Variants in PFKP observed in about 807,000 individuals in gnomAD.
PFKP encodes ATP-dependent 6-phosphofructokinase, platelet type.
A neutral mutation model predicts 94.3 loss-of-function variants in PFKP; 101 were observed. The observed-to-expected ratio is 1.07, with a 90% CI of 0.91 to 1.26. PFKP has a LOEUF of 1.26. Among genes scored for constraint, PFKP ranks in the 50% most tolerant of loss-of-function variants. The pLI is 0.00. For synonymous variants in PFKP, 573 were observed against 432.6 expected (o/e 1.32, Z -4.03); for missense variants, 1,145 against 1,103.3 (o/e 1.04, Z -0.53).
intron 1 of PFKP, among the ~76,000 whole-genome samples, chr10:3,077,014 G>A (rs538555522): frequency 1.3e-5 from 2 of 152,148 alleles, no homozygotes; most frequent in East Asian, 1.9e-4. Flanking sequence ...TGAGATCAGC[G>A]CGGTGTAAGC....
At chr10:3,120,395 G>GTGTA (rs1554774903) in intron 16 of PFKP, among the ~76,000 whole-genome samples, 1 of 140,210 alleles carries the variant, frequency 7.1e-6, no homozygotes, top group African/African-American at 2.6e-5. Context: ...GTGTGTGTGT[G>GTGTA]TGTGCTGAGC....
intron 1 of PFKP, among the ~76,000 whole-genome samples, chr10:3,077,214 C>T (rs1196438494): frequency 6.6e-6 from 1 of 151,228 alleles, no homozygotes; most frequent in Non-Finnish European, 1.5e-5. Context: ...AAAAGATAGA[C>T]CCAGATTATT....
intron 1 of PFKP, among the ~76,000 whole-genome samples, chr10:3,075,305 T>G (rs964666028): frequency 2.0e-5 from 3 of 151,958 alleles, no homozygotes; most frequent in African/African-American, 4.8e-5. Context: ...ATGGCCAGAT[T>G]TGGGGGGGCC....
At chr10:3,075,504 G>T (rs954351257) in intron 1 of PFKP, among the ~76,000 whole-genome samples, 1 of 150,280 alleles carries the variant, frequency 6.7e-6, no homozygotes, top group African/African-American at 2.5e-5. Context: ...TTTCTCCAAC[G>T]GGAGAATCTC....
At chr10:3,134,338 A>G (rs1775827310) in intron 19 of PFKP, 145 bp from the exon 20 acceptor site, 1 of 613,530 alleles carries the variant, frequency 1.6e-6, no homozygotes, top group Admixed American at 2.5e-5. Context: ...AGTTCAGGCT[A>G]CGGGAATCAC....
chr10:3,120,811 C>T (rs1019271922), intron 16 of PFKP, among the ~76,000 whole-genome samples: 1 of 152,172 alleles, frequency 6.6e-6, no homozygotes, highest in African/African-American at 2.4e-5. Flanking sequence ...AGGCATGTGC[C>T]ACCATTCCCG....
At chr10:3,107,993 G>C in intron 8 of PFKP, 1 of 1,289,740 alleles carries the variant, frequency 7.8e-7, no homozygotes, top group Non-Finnish European at 1.0e-6. Flanking sequence ...TCTTTATTGT[G>C]CTTTGTTATG....
intron 14 of PFKP, among the ~76,000 whole-genome samples, chr10:3,118,179 T>A (rs1439218990): frequency 2.6e-5 from 4 of 152,154 alleles, no homozygotes; most frequent in Non-Finnish European, 5.9e-5. Context: ...AATTTCCATT[T>A]AAACAATTAT....
chr10:3,114,372 C>A (rs1452805300), intron 13 of PFKP, among the ~76,000 whole-genome samples: 1 of 152,094 alleles, frequency 6.6e-6, no homozygotes, highest in Non-Finnish European at 1.5e-5. Flanking sequence ...CTGGTCTTGA[C>A]CTCCTGACCT....
chr10:3,111,437 T>G (rs1485159863), intron 10 of PFKP, among the ~76,000 whole-genome samples: 1 of 152,154 alleles, frequency 6.6e-6, no homozygotes, highest in African/African-American at 2.4e-5. Context: ...ACGTGTATTT[T>G]GAGCCTGTGT....
In PFKP at chr10:3,132,447, A is replaced by G; in HGVS notation, c.1910+6A>G. 6.2e-7 allele frequency: 1 copy of G among 1,600,162 alleles called. No individual in the cohort carries two copies. Among genetic ancestry groups the G allele is most frequent in the Non-Finnish European group, 8.6e-7 (1 of 1,167,494 alleles). ...CAGAGAGGCCTTGTGCTCAGGTGAGAGAGAGAGACCAGGGGCTGATCTTAC... is the reference window on the plus strand; with the variant it reads ...CAGAGAGGCCTTGTGCTCAGGTGAGGGAGAGAGACCAGGGGCTGATCTTAC... On this transcript the variant is annotated splice_donor_region_variant and intron_variant, in intron 18 of 21. Coordinates refer to ENST00000381125, the MANE Select transcript of PFKP (RefSeq NM_002627.5).
rs1347199151 is a variant in PFKP, at chr10:3,097,033, A to G, written c.187-2242A>G. 4.3e-5 allele frequency among the ~76,000 whole-genome samples: 5 copies of G among 115,500 alleles called. 1 individual carries two copies. The highest frequency in any genetic ancestry group is 2.5e-4 in the Admixed American group (3 of 12,076). 75.8% of individuals were successfully genotyped at this position (115,500 alleles called of 152,430 possible). A position where few individuals can be genotyped will look rare whatever the true frequency, so the allele number is the denominator to read the frequency against. On this transcript the variant is annotated intron_variant, in intron 2 of 21. Transcript: ENST00000381125. The stretch of plus-strand genomic sequence containing the variant: ...GCGGAGCTTGCAATGAGCCAAGATC[A>G]CGCCACTGCACTCCAGCCTGGGTGA...
chr10:3,133,823 G>C (rs1838885533), intron 19 of PFKP, among the ~76,000 whole-genome samples: 1 of 152,208 alleles, frequency 6.6e-6, no homozygotes, highest in Admixed American at 6.5e-5. Context: ...TAAGGGAACT[G>C]TCAGCTTTCA....
chr10:3,116,580 C>G (rs1291213763), intron 13 of PFKP, among the ~76,000 whole-genome samples, 196 bp from the exon 14 acceptor site: 1 of 152,186 alleles, frequency 6.6e-6, no homozygotes, highest in Non-Finnish European at 1.5e-5. Flanking sequence ...CTCTGCTGCT[C>G]TTCATGAGTT....
At chr10:3,109,307 A>AG (rs768705345) in intron 9 of PFKP, 48 bp from the exon 10 acceptor site, 12 of 1,602,124 alleles carry the variant, frequency 7.5e-6, no homozygotes, top group Non-Finnish European at 1.0e-5. Context: ...TGACAGGGAC[A>AG]GGGCAGGACG....
intron 17 of PFKP, among the ~76,000 whole-genome samples, chr10:3,131,687 G>A (rs746372052): frequency 6.6e-6 from 1 of 152,052 alleles, no homozygotes; most frequent in Non-Finnish European, 1.5e-5. Context: ...TCAAACTCCT[G>A]ACCTCAGGCA....
At chr10:3,123,850 T>A (rs919514191) in intron 16 of PFKP, among the ~76,000 whole-genome samples, 1 of 152,254 alleles carries the variant, frequency 6.6e-6, no homozygotes, top group Non-Finnish European at 1.5e-5. Flanking sequence ...AGGCAGAGCC[T>A]GCACAGAGCG....
At chr10:3,084,717 G>GCCCCTCCCCAGCAC (rs1564274551) in intron 2 of PFKP, among the ~76,000 whole-genome samples, 2 of 53,158 alleles carry the variant, frequency 3.8e-5, no homozygotes, top group African/African-American at 6.3e-5. Flanking sequence ...CTCCCCAGGA[G>GCCCCTCCCCAGCAC]AGTCCTCCAG....
intron 16 of PFKP, 110 bp downstream of exon 16, chr10:3,120,154 A>G: frequency 1.2e-6 from 1 of 843,890 alleles, no homozygotes; most frequent in Non-Finnish European, 1.9e-6. Flanking sequence ...AATACCCTGA[A>G]TGAGAGCTTC....
Sources: allele counts gnomAD v4.1 joint callset (sites outside exome capture counted in the v4.1 genomes callset), GRCh38; gene constraint gnomAD v4.1.1; transcripts MANE v1.5; gene names NCBI Gene and HGNC (gene_info 2026-07-23, HGNC 2026-07-21).